SMURF2: variants seen among roughly 807,000 people sequenced by gnomAD.
SMURF2 encodes the protein E3 ubiquitin-protein ligase SMURF2.
A neutral mutation model predicts 109.6 loss-of-function variants in SMURF2; 48 were observed. The observed-to-expected ratio is 0.44, with a 90% confidence interval of 0.35 to 0.56. The LOEUF is 0.56. SMURF2 is among the 20% of genes least tolerant of loss of function. The pLI is 0.01. For missense variants in SMURF2, 575 were observed against 909.0 expected (o/e 0.63, Z 4.72); for synonymous variants, 288 against 317.1 (o/e 0.91, Z 0.97).
At chr17:64,613,116 T>C (rs1555689706) in intron 1 of SMURF2, among the ~76,000 whole-genome samples, 1 of 152,202 alleles carries the variant, frequency 6.6e-6, no homozygotes, top group African/African-American at 2.4e-5. Flanking sequence ...AAAAATAAAT[T>C]GTTTTCACAT....
intron 2 of SMURF2, 80 bp downstream of exon 2, chr17:64,606,521 AC>A: frequency 1.0e-6 from 1 of 985,334 alleles, no homozygotes; most frequent in South Asian, 1.6e-5. Flanking sequence ...GAATAGAGAA[AC>A]CCCTAAACCA....
intron 1 of SMURF2, among the ~76,000 whole-genome samples, chr17:64,631,247 G>GAGGA (rs1410717144): frequency 1.0e-5 from 1 of 98,054 alleles, no homozygotes; most frequent in African/African-American, 3.7e-5. Flanking sequence ...GAGAGGGAGG[G>GAGGA]AGGAATGGAG....
chr17:64,595,973 C>T (rs555672128), intron 3 of SMURF2, among the ~76,000 whole-genome samples: 4 of 152,114 alleles, frequency 2.6e-5, no homozygotes, highest in South Asian at 2.1e-4. Context: ...CCACCAACCA[C>T]GAGACCCTTG....
At chr17:64,656,005 A>C (rs1021485987) in intron 1 of SMURF2, among the ~76,000 whole-genome samples, 4 of 152,262 alleles carry the variant, frequency 2.6e-5, no homozygotes, top group African/African-American at 9.6e-5. Flanking sequence ...AATATAACTG[A>C]AAAGATACTA....
Position 64,547,527 on chromosome 17 carries a change from T to C in SMURF2, c.2071+73A>G. On this transcript the variant is annotated intron_variant, in intron 17 of 18. Transcript: ENST00000262435. The surrounding 1 kb of genome is among the most constrained non-coding windows in gnomAD (Gnocchi z 4.2). The stretch of plus-strand genomic sequence containing the variant: ...ATCTCTAAGCACATGGTTTACAAAA[T>C]ATCTCCACAGACCCCACGCTGACAG... 7.8e-7 allele frequency: 1 copy of C among 1,288,838 alleles called. No individual in the cohort carries two copies. Among genetic ancestry groups the C allele is most frequent in the South Asian group, 1.2e-5 (1 of 83,822 alleles). 79.8% of individuals were successfully genotyped at this position (1,288,838 alleles called of 1,614,324 possible). A position where few individuals can be genotyped will look rare whatever the true frequency, so the allele number is the denominator to read the frequency against.
intron 1 of SMURF2, among the ~76,000 whole-genome samples, chr17:64,621,507 G>A (rs909128855): frequency 6.7e-6 from 1 of 148,334 alleles, no homozygotes; most frequent in Admixed American, 6.7e-5. Context: ...TTGAATCCAG[G>A]GGGCAGAGGT....
Position 64,547,814 on chromosome 17 carries a change from T to C in SMURF2, c.1870-13A>G. On this transcript the variant is annotated splice_polypyrimidine_tract_variant and intron_variant, in intron 16 of 18. Transcript: ENST00000262435. This position sits in a 1 kb window ranked among gnomAD's most constrained non-coding sequence, Gnocchi z 4.2. ...CACAAATAATGAGCTGTGAAAATAG[T>C]ACACAGTAATGAACCTGTGGAAACC... 1 of 1,613,192 alleles carries C rather than the reference T, an allele frequency of 6.2e-7. No homozygotes were observed. The highest frequency in any genetic ancestry group is 1.1e-5 in the South Asian group (1 of 91,068).
At chr17:64,571,345 T>C (rs1555685532) in intron 10 of SMURF2, among the ~76,000 whole-genome samples, 1 of 152,142 alleles carries the variant, frequency 6.6e-6, no homozygotes, top group African/African-American at 2.4e-5. Context: ...AGAGTAAACC[T>C]TGTCACACTC....
chr17:64,611,265 CAG>C, intron 1 of SMURF2, among the ~76,000 whole-genome samples: 1 of 152,240 alleles, frequency 6.6e-6, no homozygotes, highest in Middle Eastern at 3.4e-3. Context: ...AATAGATTGA[CAG>C]AACTCTTCCT....
Position 64,578,564 on chromosome 17 carries a change from G to A in SMURF2, c.785C>T (p.Thr262Met). Residue 262 changes from threonine (T) to methionine (M), a missense_variant, in exon 9 of 19, where the codon ACG becomes ATG. Thr to Met is a moderately conservative substitution (Grantham distance 81). Coordinates refer to ENST00000262435, the MANE Select transcript of SMURF2 (RefSeq NM_022739.4). ...DLPEGYEQRTTQQGQVYFLHT... is the reference protein window; with the variant it reads ...DLPEGYEQRTMQQGQVYFLHT... ...TAAGAAATACACCTGGCCTTGTTGCGTTGTCCTCTGTTCTGTAAAATTAAT... is the reference window on the plus strand; with the variant it reads ...TAAGAAATACACCTGGCCTTGTTGCATTGTCCTCTGTTCTGTAAAATTAAT... 5 of 1,611,254 alleles carry A rather than the reference G, an allele frequency of 3.1e-6. No individual in the cohort carries two copies. Among genetic ancestry groups the A allele is most frequent in the Non-Finnish European group, 3.4e-6 (4 of 1,177,504 alleles).
At chr17:64,595,777 C>A (rs1287844429) in intron 3 of SMURF2, among the ~76,000 whole-genome samples, 1 of 152,162 alleles carries the variant, frequency 6.6e-6, no homozygotes, top group Non-Finnish European at 1.5e-5. Context: ...CATCATTAGT[C>A]ATGATGCACC....
At chr17:64,647,088 T>C (rs1970568661) in intron 1 of SMURF2, among the ~76,000 whole-genome samples, 2 of 152,194 alleles carry the variant, frequency 1.3e-5, no homozygotes, top group African/African-American at 4.8e-5. Context: ...GAAAGCAAGA[T>C]AAAGGTCTTA....
rs62073221 is a variant in SMURF2 at position 64,656,412 on chromosome 17, C to G, written c.52+5417G>C. Among the ~76,000 whole-genome samples, 860 of 152,216 alleles carry G rather than the reference C, an allele frequency of 5.6e-3. 5 individuals carry two copies. The highest frequency in any genetic ancestry group is 0.01 in the Middle Eastern group (3 of 294). ...AATGAAAATAAATATCATTAGTAAA[C>G]AGACAGGAAAATATTCTGCTTCACG... On this transcript the variant is annotated intron_variant, in intron 1 of 18. Coordinates refer to ENST00000262435, the MANE Select transcript of SMURF2 (RefSeq NM_022739.4).
At chr17:64,560,966 CAAAAA>C (rs782010996) in intron 12 of SMURF2, 7 of 59,614 alleles carry the variant, frequency 1.2e-4, no homozygotes, top group African/African-American at 1.8e-4. Context: ...ACCCTGTCTC[CAAAAA>C]AAAAAAAAAA....
intron 5 of SMURF2, among the ~76,000 whole-genome samples, chr17:64,588,565 C>T (rs1337089688): frequency 2.0e-5 from 3 of 151,826 alleles, no homozygotes; most frequent in African/African-American, 7.3e-5. Flanking sequence ...ATTTTATATA[C>T]ATATTTATGT....
At chr17:64,605,744 A>AATATGTATATATATATAT (rs1969959789) in intron 2 of SMURF2, among the ~76,000 whole-genome samples, 1 of 99,120 alleles carries the variant, frequency 1.0e-5, no homozygotes, top group African/African-American at 4.0e-5. Context: ...CTCTAAAAAG[A>AATATGTATATATATATAT]ATATATATAT....
At chr17:64,616,587 GGAGGTTACAGT>G (rs1970123603) in intron 1 of SMURF2, among the ~76,000 whole-genome samples, 1 of 151,188 alleles carries the variant, frequency 6.6e-6, no homozygotes, top group Non-Finnish European at 1.5e-5. Flanking sequence ...CCCAGGAGGC[GGAGGTTACAGT>G]GAGCTGAGAT....
intron 1 of SMURF2, among the ~76,000 whole-genome samples, chr17:64,641,354 A>C (rs527345973): frequency 2.4e-4 from 37 of 151,636 alleles, no homozygotes; most frequent in Admixed American, 5.9e-4. Flanking sequence ...CCAACCCCCC[A>C]AAAAAAACAA....
At chr17:64,627,265 C>A (rs1462534483) in intron 1 of SMURF2, among the ~76,000 whole-genome samples, 2 of 152,008 alleles carry the variant, frequency 1.3e-5, no homozygotes, top group African/African-American at 4.8e-5. Context: ...CAGGCATGTG[C>A]CACCACGCCC....
Sources: gnomAD v4.1 joint callset for allele counts (sites outside exome capture counted in the v4.1 genomes callset) on GRCh38, gnomAD v4.1.1 for gene constraint, Gnocchi (gnomAD v3.1) non-coding constraint, MANE v1.5 for transcripts, NCBI Gene and HGNC (gene_info 2026-07-23, HGNC 2026-07-21) for gene names.